GSDME: variants seen among roughly 807,000 people sequenced by gnomAD.
GSDME encodes the protein gasdermin-E.
In GSDME, 44 loss-of-function variants were observed where a neutral mutation model predicts 47.5. That is an observed-to-expected ratio of 0.93 (90% CI 0.73 to 1.19). The LOEUF (loss-of-function observed/expected upper bound fraction) is 1.19. GSDME is among the 50% of genes most tolerant of loss of function. The pLI is 0.00. For synonymous variants in GSDME, 258 were observed against 252.8 expected (o/e 1.02, Z -0.20); for missense variants, 663 against 604.2 (o/e 1.10, Z -1.02).
rs1011558326 is a variant in GSDME at position 24,739,963 on chromosome 7, G to C, written c.404+4599C>G. On this transcript the variant is annotated intron_variant, in intron 3 of 9. Coordinates refer to ENST00000645220, the MANE Select transcript of GSDME (RefSeq NM_001127453.2). This position sits in a 1 kb window ranked among gnomAD's most constrained non-coding sequence, Gnocchi z 5.1. ...CAAAAATTAGCCAGGTTTGGTGATG[G>C]GTGCCTGTAATCCCAGCTACTCGGG... Among the ~76,000 whole-genome samples, 1 of 151,932 alleles carries C rather than the reference G, an allele frequency of 6.6e-6. No homozygotes were observed. Among genetic ancestry groups the C allele is most frequent in the Non-Finnish European group, 1.5e-5 (1 of 67,990 alleles).
Position 24,739,534 on chromosome 7 carries a change from G to A in GSDME, c.404+5028C>T, listed in dbSNP as rs1790420322. On this transcript the variant is annotated intron_variant, in intron 3 of 9. Transcript: ENST00000645220. This position sits in a 1 kb window ranked among gnomAD's most constrained non-coding sequence, Gnocchi z 5.1. ...ATGCCTGTACACTGTTGGTGGGAATGTAATGCAAATTACTACACTATGAAG... is the reference window on the plus strand; with the variant it reads ...ATGCCTGTACACTGTTGGTGGGAATATAATGCAAATTACTACACTATGAAG... Among the ~76,000 whole-genome samples, 1 of 152,140 alleles carries A rather than the reference G, an allele frequency of 6.6e-6. No individual in the cohort carries two copies. The highest frequency in any genetic ancestry group is 1.5e-5 in the Non-Finnish European group (1 of 68,016).
rs377196202 is a variant in GSDME at position 24,735,439 on chromosome 7, A to T, written c.404+9123T>A. Among the ~76,000 whole-genome samples, 2 of 152,208 alleles carry T rather than the reference A, an allele frequency of 1.3e-5. No individual in the cohort carries two copies. Among genetic ancestry groups the T allele is most frequent in the African/African-American group, 4.8e-5 (2 of 41,444 alleles). ...AACTACTCATATCTTAAGCAGAAAG[A>T]CAAAAAGATGAACCAATTAAAAATA... On this transcript the variant is annotated intron_variant, in intron 3 of 9. Transcript: ENST00000645220. The surrounding 1 kb of genome is among the most constrained non-coding windows in gnomAD (Gnocchi z 4.4).
Position 24,710,222 on chromosome 7 carries a change from A to G in GSDME, c.862+2T>C, listed in dbSNP as rs780183026. 6.2e-7 allele frequency: 1 copy of G among 1,613,584 alleles called. No individual in the cohort carries two copies. Among genetic ancestry groups the G allele is most frequent in the South Asian group, 1.1e-5 (1 of 91,050 alleles). ...CCACTACTCCTGCCCTGCTGGCAAT[A>G]CCTTGCTTTAAAACACTTAATGGTC... On this transcript the variant is annotated splice_donor_variant, in intron 6 of 9. Transcript: ENST00000645220. LOFTEE classifies it high-confidence loss of function.
the GSDME span, among the ~76,000 whole-genome samples, chr7:24,777,990 G>C: frequency 6.6e-6 from 1 of 151,194 alleles, no homozygotes; most frequent in Non-Finnish European, 1.5e-5. Context: ...ATCCACTCCA[G>C]CTTCCCATCT....
At chr7:24,773,628 T>C in the GSDME span, among the ~76,000 whole-genome samples, 6 of 152,362 alleles carry the variant, frequency 3.9e-5, no homozygotes, top group South Asian at 8.3e-4. The surrounding 1 kb of genome is among the most constrained non-coding windows in gnomAD (Gnocchi z 5.4). Context: ...CTTGTCAGTA[T>C]AGCTCCCTCT....
At chr7:24,741,833 A>T (rs1476248408) in intron 3 of GSDME, among the ~76,000 whole-genome samples, 1 of 144,668 alleles carries the variant, frequency 6.9e-6, no homozygotes, top group Non-Finnish European at 1.5e-5. Context: ...CGTAACAAGA[A>T]TGTTAGCTTT....
chr7:24,710,472 GA>G, intron 5 of GSDME, 84 bp from the exon 6 acceptor site: 1 of 1,336,524 alleles, frequency 7.5e-7, no homozygotes, highest in Non-Finnish European at 1.1e-6. Flanking sequence ...GCCCAGCCTT[GA>G]TGGCACATCT....
In GSDME at chr7:24,745,029, GTGTGT is replaced by G. The variant is rs1562713107; in HGVS notation, c.212-280_212-276del. Among the ~76,000 whole-genome samples the G allele has an allele frequency of 7.5e-5, 10 of 134,052 alleles. No individual in the cohort carries two copies. Among genetic ancestry groups the G allele is most frequent in the African/African-American group, 2.8e-4 (10 of 35,674 alleles). 87.9% of individuals were successfully genotyped at this position (134,052 alleles called of 152,430 possible). ...TGTGTGTGTGTGTGTGTGTGTGTGT[GTGTGT>G]GGACCACGGGCACACAGTGGACCAG... On this transcript the variant is annotated intron_variant, in intron 2 of 9. Transcript: ENST00000645220. The surrounding 1 kb of genome is among the most constrained non-coding windows in gnomAD (Gnocchi z 4.4).
At chr7:24,776,811 C>A in the GSDME span, among the ~76,000 whole-genome samples, 1 of 152,072 alleles carries the variant, frequency 6.6e-6, no homozygotes, top group Non-Finnish European at 1.5e-5. Flanking sequence ...AAATTATGTT[C>A]TTTCATTTCT....
rs768667504 is a variant in GSDME at position 24,699,121 on chromosome 7, C to T, written c.1396G>A (p.Val466Met). The T allele has an allele frequency of 5.6e-6, 9 of 1,614,144 alleles. No homozygotes were observed. The Admixed American group carries it at 1.5e-4, about 27-fold the overall frequency. The change falls in exon 10 of 10, where the codon GTG becomes ATG. Residue 466 changes from valine (V) to methionine (M), a missense_variant. Coordinates refer to ENST00000645220, the MANE Select transcript of GSDME (RefSeq NM_001127453.2). Reference protein sequence around the residue: ...DISLERLKSSVKAVILKDSKV... With the variant: ...DISLERLKSSMKAVILKDSKV... ...GAGTCCTTCAGAATGACAGCTTTCACAGATGACTTCAGTCTCTCCAGACTA... is the reference window on the plus strand; with the variant it reads ...GAGTCCTTCAGAATGACAGCTTTCATAGATGACTTCAGTCTCTCCAGACTA...
chr7:24,779,061 C>T, the GSDME span, among the ~76,000 whole-genome samples: 1 of 152,280 alleles, frequency 6.6e-6, no homozygotes, highest in Admixed American at 6.5e-5. The surrounding 1 kb of genome is among the most constrained non-coding windows in gnomAD (Gnocchi z 6.0). Flanking sequence ...CATCCCATGA[C>T]CCAAGTGCAG....
chr7:24,708,196 C>T lies in GSDME; in HGVS notation c.921G>A (p.Gln307=), dbSNP rs199521210. ...HPFAELPEPQ[Q]TALSDIFQAV... is the part of the protein sequence containing the mutation. ...CCTGGAAGATGTCACTCAAAGCTGT[C>T]TGTTGTGGCTCAGGCAGCTCCGCAA... is the stretch of plus-strand genomic sequence containing the variant. Residue 307 remains glutamine (Q), a synonymous_variant, in exon 7 of 10, where the codon CAG becomes CAA. Transcript: ENST00000645220. 7 of 1,614,060 alleles carry T rather than the reference C, an allele frequency of 4.3e-6. No homozygotes were observed. The highest frequency in any genetic ancestry group is 5.1e-6 in the Non-Finnish European group (6 of 1,180,024).
chr7:24,701,781 A>C (rs944533610), intron 9 of GSDME, among the ~76,000 whole-genome samples: 5 of 152,186 alleles, frequency 3.3e-5, no homozygotes, highest in African/African-American at 1.2e-4. Context: ...ACAAGCATGC[A>C]TGTTCCTCTG....
At chr7:24,775,085 T>C in the GSDME span, among the ~76,000 whole-genome samples, 3 of 152,348 alleles carry the variant, frequency 2.0e-5, no homozygotes, top group East Asian at 5.8e-4. Context: ...ACCCGCAGTG[T>C]TTCATCAAAT....
Position 24,706,407 on chromosome 7 carries a change from C to T in GSDME, c.991-31G>A, listed in dbSNP as rs17209408. On this transcript the variant is annotated intron_variant, in intron 7 of 9. Coordinates refer to ENST00000645220, the MANE Select transcript of GSDME (RefSeq NM_001127453.2). ...GGGCAGGGAAGAAGAAGGGTCATGACACAGCTGGAGACCAAGCGCCACAGC... is the reference window on the plus strand; with the variant it reads ...GGGCAGGGAAGAAGAAGGGTCATGATACAGCTGGAGACCAAGCGCCACAGC... 0.023 allele frequency: 37,646 copies of T among 1,603,568 alleles called. 564 individuals carry two copies. Among genetic ancestry groups the T allele is most frequent in the Non-Finnish European group, 0.028 (33,178 of 1,175,786 alleles).
rs1472458581 is a variant in GSDME at position 24,745,293 on chromosome 7, G to A, written c.212-539C>T. Among the ~76,000 whole-genome samples the A allele has an allele frequency of 1.3e-5, 2 of 152,116 alleles. No individual in the cohort carries two copies. The highest frequency in any genetic ancestry group is 2.4e-5 in the African/African-American group (1 of 41,416). Reference sequence around the variant, plus strand: ...GCAGCCCCTATTCTGGATGCACCGCGAGAGGACAGCCTTCCTTGGCCACCT... The same window carrying A: ...GCAGCCCCTATTCTGGATGCACCGCAAGAGGACAGCCTTCCTTGGCCACCT... On this transcript the variant is annotated intron_variant, in intron 2 of 9. Transcript: ENST00000645220. The surrounding 1 kb of genome is among the most constrained non-coding windows in gnomAD (Gnocchi z 4.4).
rs1790168511 is a variant in GSDME at position 24,732,198 on chromosome 7, T to C, written c.404+12364A>G. On this transcript the variant is annotated intron_variant, in intron 3 of 9. Coordinates refer to ENST00000645220, the MANE Select transcript of GSDME (RefSeq NM_001127453.2). The surrounding 1 kb of genome is among the most constrained non-coding windows in gnomAD (Gnocchi z 4.8). ...TGTTTACTAAAAATAATGATTCCAG[T>C]GCTGAGTAAAGCACAAAGACAAATG... 6.6e-6 allele frequency among the ~76,000 whole-genome samples: 1 copy of C among 152,222 alleles called. No individual in the cohort carries two copies. Among genetic ancestry groups the C allele is most frequent in the African/African-American group, 2.4e-5 (1 of 41,456 alleles).
At chr7:24,706,081 A>G (rs1402679414) in intron 8 of GSDME, 103 bp downstream of exon 8, 21 of 1,402,184 alleles carry the variant, frequency 1.5e-5, no homozygotes, top group Admixed American at 1.9e-5. Flanking sequence ...TGTATGTACC[A>G]TATCTTCCAC....
chr7:24,765,621 C>T, the GSDME span, among the ~76,000 whole-genome samples: 20,032 of 152,274 alleles, frequency 0.13, 1,429 homozygotes, highest in Middle Eastern at 0.2. Context: ...GTTATCCAGA[C>T]ATGTGGCAGC....
Sources: gnomAD v4.1 joint callset for allele counts (sites outside exome capture counted in the v4.1 genomes callset) on GRCh38, gnomAD v4.1.1 for gene constraint, Gnocchi (gnomAD v3.1) non-coding constraint, MANE v1.5 for transcripts, NCBI Gene and HGNC (gene_info 2026-07-23, HGNC 2026-07-21) for gene names.